The following IQCJ variants were observed in gnomAD, a reference collection of about 807,000 sequenced individuals.
The protein encoded by IQCJ is IQ motif containing J.
In IQCJ, 9 loss-of-function variants were observed where a neutral mutation model predicts 11.0. That is an observed-to-expected ratio of 0.82 (90% confidence interval 0.49 to 1.43). The LOEUF (loss-of-function observed/expected upper bound fraction) is 1.43. IQCJ is among the 40% of genes most tolerant of loss of function. The probability of loss-of-function intolerance (pLI) is 0.00; values close to 1 mark genes in which losing one functional copy is unlikely to be tolerated. For missense variants in IQCJ, 146 were observed against 133.2 expected (o/e 1.10, Z -0.47); for synonymous variants, 55 against 51.3 (o/e 1.07, Z -0.31).
intron 1 of IQCJ, among the ~76,000 whole-genome samples, chr3:159,078,219 G>A (rs1716072088): frequency 6.6e-6 from 1 of 152,010 alleles, no homozygotes; most frequent in Admixed American, 6.6e-5. Context: ...ATATTACACA[G>A]GGGACTTTTT....
intron 1 of IQCJ, among the ~76,000 whole-genome samples, chr3:159,101,335 G>A (rs1189981451): frequency 1.3e-5 from 2 of 151,904 alleles, no homozygotes; most frequent in Non-Finnish European, 2.9e-5. Context: ...CTTCTGCGTC[G>A]CTCAGGCTGG....
chr3:159,264,826 G>A (rs964996762), downstream of IQCJ, among the ~76,000 whole-genome samples: 9 of 151,702 alleles, frequency 5.9e-5, no homozygotes, highest in Non-Finnish European at 1.3e-4. Flanking sequence ...GCAGGAGAAT[G>A]AACGGCTTGA....
At chr3:159,147,516 T>G (rs920173890) in intron 1 of IQCJ, among the ~76,000 whole-genome samples, 1 of 152,302 alleles carries the variant, frequency 6.6e-6, no homozygotes, top group African/African-American at 2.4e-5. Context: ...ATACTCTCAA[T>G]AGCAGACTGA....
At chr3:159,146,182 T>G (rs1720917331) in intron 1 of IQCJ, among the ~76,000 whole-genome samples, 1 of 152,194 alleles carries the variant, frequency 6.6e-6, no homozygotes. Flanking sequence ...ATCATTGGCC[T>G]TTGAAAGGCA....
At chr3:159,081,841 T>C (rs1716334714) in intron 1 of IQCJ, among the ~76,000 whole-genome samples, 1 of 152,146 alleles carries the variant, frequency 6.6e-6, no homozygotes, top group African/African-American at 2.4e-5. Flanking sequence ...TATTGTCTTA[T>C]TGGAGAGACT....
At chr3:159,070,098 T>A (rs1715460678) in intron 1 of IQCJ, 1 of 172,114 alleles carries the variant, frequency 5.8e-6, no homozygotes, top group Non-Finnish European at 1.3e-5. Flanking sequence ...TACTAGTGCT[T>A]GAATAATAAG....
At chr3:159,245,547 C>T (rs546099228) in intron 1 of IQCJ, among the ~76,000 whole-genome samples, 79 of 149,852 alleles carry the variant, frequency 5.3e-4, no homozygotes, top group Non-Finnish European at 4.1e-4. Context: ...CTGCAAGCTC[C>T]GCCTCCTGGG....
intron 2 of IQCJ, among the ~76,000 whole-genome samples, chr3:159,251,626 A>C (rs1324294594): frequency 6.6e-6 from 1 of 152,114 alleles, no homozygotes; most frequent in Non-Finnish European, 1.5e-5. Flanking sequence ...TATTGCACAC[A>C]CACACACACA....
intron 1 of IQCJ, among the ~76,000 whole-genome samples, chr3:159,217,561 G>T (rs1265055322): frequency 6.6e-6 from 1 of 152,092 alleles, no homozygotes; most frequent in African/African-American, 2.4e-5. Flanking sequence ...AATACAACCT[G>T]CACAGCTCTA....
intron 1 of IQCJ, among the ~76,000 whole-genome samples, chr3:159,071,210 T>C (rs1467871781): frequency 6.6e-6 from 1 of 152,034 alleles, no homozygotes; most frequent in Non-Finnish European, 1.5e-5. Flanking sequence ...TAAAGTATAA[T>C]AGTACAGTAA....
intron 1 of IQCJ, among the ~76,000 whole-genome samples, chr3:159,228,815 AAG>A (rs1185450967): frequency 1.3e-5 from 2 of 152,064 alleles, no homozygotes; most frequent in African/African-American, 4.8e-5. Flanking sequence ...AAAAAAAAAA[AAG>A]TGATGGCCTG....
chr3:159,076,913 C>A (rs2108050416), intron 1 of IQCJ, among the ~76,000 whole-genome samples: 1 of 152,056 alleles, frequency 6.6e-6, no homozygotes, highest in Non-Finnish European at 1.5e-5. Context: ...ACTAAAGCAC[C>A]TTTTTAATAG....
At chr3:159,137,060 G>A (rs1373051811) in intron 1 of IQCJ, among the ~76,000 whole-genome samples, 2 of 152,002 alleles carry the variant, frequency 1.3e-5, no homozygotes, top group Non-Finnish European at 2.9e-5. Context: ...TCAGGAGTTC[G>A]AGATAAGCCT....
At chr3:159,215,651 T>C (rs1035809635) in intron 1 of IQCJ, among the ~76,000 whole-genome samples, 5 of 152,104 alleles carry the variant, frequency 3.3e-5, no homozygotes, top group African/African-American at 9.7e-5. Flanking sequence ...GAGAAGTCAA[T>C]TGAACTTCCA....
intron 1 of IQCJ, among the ~76,000 whole-genome samples, chr3:159,177,032 A>G (rs1722836269): frequency 6.6e-6 from 1 of 152,328 alleles, no homozygotes; most frequent in East Asian, 1.9e-4. Context: ...GTTACATGCT[A>G]GAAAGTGGAT....
intron 1 of IQCJ, among the ~76,000 whole-genome samples, chr3:159,193,764 T>G (rs1723822145): frequency 1.3e-5 from 2 of 152,230 alleles, no homozygotes; most frequent in African/African-American, 4.8e-5. Context: ...TAGTGCCATA[T>G]GGAGGATCAC....
At chr3:159,163,562 A>G (rs1721999221) in intron 1 of IQCJ, among the ~76,000 whole-genome samples, 1 of 152,120 alleles carries the variant, frequency 6.6e-6, no homozygotes, top group African/African-American at 2.4e-5. Flanking sequence ...ATGGGGTTTC[A>G]CCATGTTGGC....
At chr3:159,170,852 GA>G (rs1214437942) in intron 1 of IQCJ, among the ~76,000 whole-genome samples, 1 of 152,114 alleles carries the variant, frequency 6.6e-6, no homozygotes, top group African/African-American at 2.4e-5. Flanking sequence ...AAAGAACAGT[GA>G]AGTCATCTGT....
chr3:159,208,328 CGA>C (rs1560025955), intron 1 of IQCJ, among the ~76,000 whole-genome samples: 2 of 152,106 alleles, frequency 1.3e-5, no homozygotes, highest in Non-Finnish European at 2.9e-5. Flanking sequence ...CTCCCTCTGT[CGA>C]GAGAGACCAG....
Sources: gnomAD v4.1 joint callset for allele counts (sites outside exome capture counted in the v4.1 genomes callset) on GRCh38, gnomAD v4.1.1 for gene constraint, MANE v1.5 for transcripts, NCBI Gene and HGNC (gene_info 2026-07-23, HGNC 2026-07-21) for gene names.